ACTN4: variants seen among roughly 807,000 people sequenced by gnomAD.
The protein encoded by ACTN4 is actinin alpha 4, also known as alpha-actinin-4.
A neutral mutation model predicts 114.2 loss-of-function variants in ACTN4; 18 were observed. That is an observed-to-expected ratio of 0.16 (90% confidence interval 0.11 to 0.23). ACTN4 has a LOEUF of 0.23. Ranked by LOEUF, ACTN4 falls within the 10% of genes least tolerant of loss-of-function variation. The probability of loss-of-function intolerance (pLI) is 1.00; values close to 1 mark genes in which losing one functional copy is unlikely to be tolerated. For synonymous variants in ACTN4, 515 were observed against 506.3 expected (o/e 1.02, Z -0.23); for missense variants, 722 against 1,262.9 (o/e 0.57, Z 6.49).
intron 2 of ACTN4, 62 bp downstream of exon 2, chr19:38,700,776 C>A: frequency 6.7e-7 from 1 of 1,499,724 alleles, no homozygotes; most frequent in Non-Finnish European, 9.2e-7. Context: ...CACAGCGGTC[C>A]CCAGAGACCC....
At chr19:38,654,280 C>T (rs749961642) in intron 1 of ACTN4, among the ~76,000 whole-genome samples, 1 of 152,030 alleles carries the variant, frequency 6.6e-6, no homozygotes, top group Non-Finnish European at 1.5e-5. Context: ...AAAGTGAAAT[C>T]GCCGGGTGTG....
Position 38,708,198 on chromosome 19 carries a change from G to A in ACTN4, c.651+3G>A. The A allele has an allele frequency of 6.2e-7, 1 of 1,614,182 alleles. No homozygotes were observed. Among genetic ancestry groups the A allele is most frequent in the Non-Finnish European group, 8.5e-7 (1 of 1,180,026 alleles). Reference sequence around the variant, plus strand: ...TTGAGTATGACAAGCTGAGGAAGGTGAGTGTCTCCAGCTCCCCTTGATGGC... The same window carrying A: ...TTGAGTATGACAAGCTGAGGAAGGTAAGTGTCTCCAGCTCCCCTTGATGGC... On this transcript the variant is annotated splice_donor_region_variant and intron_variant, in intron 6 of 20. Coordinates refer to ENST00000252699, the MANE Select transcript of ACTN4 (RefSeq NM_004924.6).
At chr19:38,653,010 T>C (rs1257938605) in intron 1 of ACTN4, among the ~76,000 whole-genome samples, 1 of 149,668 alleles carries the variant, frequency 6.7e-6, no homozygotes, top group African/African-American at 2.5e-5. Context: ...CGCTTGAACC[T>C]GAGAGGTGGA....
intron 3 of ACTN4, 98 bp from the exon 4 acceptor site, chr19:38,704,836 T>C (rs1032868927): frequency 1.8e-6 from 2 of 1,104,276 alleles, no homozygotes; most frequent in South Asian, 1.3e-5. Flanking sequence ...TTGGAGCCTT[T>C]CTCTAGATGG....
Position 38,717,266 on chromosome 19 carries a change from C to T in ACTN4, c.1093C>T (p.Arg365Cys), listed in dbSNP as rs752211925. 2 of 1,614,036 alleles carry T rather than the reference C, an allele frequency of 1.2e-6. No homozygotes were observed. Residue 365 changes from arginine (R) to cysteine (C), a missense_variant, in exon 10 of 21, where the codon CGC (arginine) becomes TGC (cysteine). Arg to Cys is a radical substitution (Grantham distance 180, BLOSUM62 -3). Transcript: ENST00000252699. The surrounding 1 kb of genome is among the most constrained non-coding windows in gnomAD (Gnocchi z 4.0). ...INFNTLQTKL[R>C]LSNRPAFMPS... ...CTTCAACACGCTGCAGACCAAGCTG[C>T]GCCTCAGCAACCGGCCCGCCTTCAT...
chr19:38,648,642 C>T (rs1357757030), intron 1 of ACTN4, among the ~76,000 whole-genome samples: 1 of 151,412 alleles, frequency 6.6e-6, no homozygotes, highest in African/African-American at 2.4e-5. Flanking sequence ...TTAAGGGGCC[C>T]GTGAATCAGA....
intron 17 of ACTN4, 68 bp downstream of exon 17, chr19:38,725,971 G>A: frequency 3.2e-6 from 5 of 1,579,940 alleles, no homozygotes; most frequent in Non-Finnish European, 4.3e-6. Context: ...AAATGGTTCG[G>A]GCCAGTGAGA....
chr19:38,700,474 G>A (rs894177963), intron 1 of ACTN4, 126 bp from the exon 2 acceptor site: 1 of 771,556 alleles, frequency 1.3e-6, no homozygotes, highest in Non-Finnish European at 2.3e-6. Flanking sequence ...TGTACGGTGT[G>A]TGTCGGCGAG....
In ACTN4 at chr19:38,731,136, G is replaced by C; in HGVS notation, c.*1704G>C. On this transcript the variant is annotated 3_prime_UTR_variant, in exon 21 of 21. Coordinates refer to ENST00000252699, the MANE Select transcript of ACTN4 (RefSeq NM_004924.6). ...GATGCAGGTGAGGTGGGCCACACAG[G>C]ACACGAACCGCTCGAAGTCCACACG... 5 of 1,612,910 alleles carry C rather than the reference G, an allele frequency of 3.1e-6. No homozygotes were observed. Among genetic ancestry groups the C allele is most frequent in the Non-Finnish European group, 4.2e-6 (5 of 1,179,916 alleles).
chr19:38,659,342 C>T (rs1050651136), intron 1 of ACTN4, among the ~76,000 whole-genome samples: 1 of 152,024 alleles, frequency 6.6e-6, no homozygotes, highest in Non-Finnish European at 1.5e-5. Context: ...CAGGTATGAG[C>T]CACCGCGCCC....
rs1381813163 is a variant in ACTN4 at position 38,717,364 on chromosome 19, C to T, written c.1143+48C>T. On this transcript the variant is annotated intron_variant, in intron 10 of 20. Coordinates refer to ENST00000252699, the MANE Select transcript of ACTN4 (RefSeq NM_004924.6). This position sits in a 1 kb window ranked among gnomAD's most constrained non-coding sequence, Gnocchi z 4.0. ...GAGCAGCTGTGAGGGGCAGAGGCAG[C>T]CCTAGAACTGCCTGTGGGCAGTTTG... is the stretch of plus-strand genomic sequence containing the variant. 3.8e-6 allele frequency: 6 copies of T among 1,593,196 alleles called. No homozygotes were observed. Among genetic ancestry groups the T allele is most frequent in the Non-Finnish European group, 5.1e-6 (6 of 1,170,560 alleles).
intron 1 of ACTN4, among the ~76,000 whole-genome samples, chr19:38,680,548 C>G (rs1967532268): frequency 6.6e-6 from 1 of 152,088 alleles, no homozygotes; most frequent in African/African-American, 2.4e-5. Flanking sequence ...GTTTGCTGAA[C>G]TTTAGACTGA....
chr19:38,728,089 CTCTT>C lies in ACTN4; in HGVS notation c.2418+67_2418+70del, dbSNP rs1969305921. The C allele has an allele frequency of 4.5e-6, 7 of 1,540,590 alleles. No individual in the cohort carries two copies. The South Asian group carries it at 8.3e-5, about 18-fold the overall frequency. ...CTGCTCTCTCTCTCTCTCTCCTTCT[CTCTT>C]TCTCCCCTCGCCATCCCACCCCTGC... On this transcript the variant is annotated intron_variant, in intron 19 of 20. Coordinates refer to ENST00000252699, the MANE Select transcript of ACTN4 (RefSeq NM_004924.6).
intron 1 of ACTN4, among the ~76,000 whole-genome samples, chr19:38,684,739 C>T (rs1157449382): frequency 6.6e-6 from 1 of 152,110 alleles, no homozygotes; most frequent in Non-Finnish European, 1.5e-5. Context: ...CTATAGAATC[C>T]TATTTTGATC....
At chr19:38,689,553 A>C in intron 1 of ACTN4, among the ~76,000 whole-genome samples, 1 of 152,218 alleles carries the variant, frequency 6.6e-6, no homozygotes, top group East Asian at 1.9e-4. Flanking sequence ...GCTAGAGTGC[A>C]GTGGCGCTGT....
At chr19:38,654,561 C>CAA (rs35967763) in intron 1 of ACTN4, among the ~76,000 whole-genome samples, 19,309 of 96,012 alleles carry the variant, frequency 0.2, 1,634 homozygotes, top group Middle Eastern at 0.42. Flanking sequence ...GGCTCCGTCT[C>CAA]AAAAAAAAAA....
intron 1 of ACTN4, among the ~76,000 whole-genome samples, chr19:38,666,362 G>A (rs1167294269): frequency 6.6e-6 from 1 of 152,242 alleles, no homozygotes; most frequent in African/African-American, 2.4e-5. Flanking sequence ...AACCGATGGG[G>A]GCTGGGGGTG....
chr19:38,714,185 G>A (rs1384116032), intron 8 of ACTN4, among the ~76,000 whole-genome samples: 1 of 152,196 alleles, frequency 6.6e-6, no homozygotes, highest in African/African-American at 2.4e-5. Flanking sequence ...CCTCCTCTGT[G>A]TGGGGCACTA....
In ACTN4 at chr19:38,726,815, T is replaced by C. The variant is rs964355628; in HGVS notation, c.2191-142T>C. On this transcript the variant is annotated intron_variant, in intron 17 of 20. Coordinates refer to ENST00000252699, the MANE Select transcript of ACTN4 (RefSeq NM_004924.6). ...TGGCAGAGGCAGCAGGGAGGCACCA[T>C]GGCCCGTGTCCCCTGTGAGGTGTAC... 5.5e-6 allele frequency: 7 copies of C among 1,274,982 alleles called. No homozygotes were observed. In the East Asian group the frequency reaches 1.5e-4, roughly 28 times the overall value. 79.0% of individuals were successfully genotyped at this position (1,274,982 alleles called of 1,614,324 possible).
Sources: gnomAD v4.1 joint callset for allele counts (sites outside exome capture counted in the v4.1 genomes callset) on GRCh38, gnomAD v4.1.1 for gene constraint, Gnocchi (gnomAD v3.1) non-coding constraint, MANE v1.5 for transcripts, NCBI Gene and HGNC (gene_info 2026-07-23, HGNC 2026-07-21) for gene names.